Variants in SLC71A2 observed in about 807,000 individuals in gnomAD.
SLC71A2 encodes the protein solute carrier family 71 member 2.
the SLC71A2 span, among the ~76,000 whole-genome samples, chr9:94,385,154 G>GATTTGCAA: frequency 6.6e-6 from 1 of 152,152 alleles, no homozygotes; most frequent in African/African-American, 2.4e-5. Context: ...GCAGGTAGTT[G>GATTTGCAA]ATTTGCAAAT....
the SLC71A2 span, among the ~76,000 whole-genome samples, chr9:94,431,135 A>C: frequency 6.6e-6 from 1 of 152,146 alleles, no homozygotes; most frequent in African/African-American, 2.4e-5. Flanking sequence ...AACATGGTGA[A>C]ACTCCATCTC....
the SLC71A2 span, chr9:94,415,148 T>C: frequency 1.9e-6 from 3 of 1,598,280 alleles, no homozygotes; most frequent in Non-Finnish European, 2.6e-6. Context: ...ATAATAACTT[T>C]CTTTTTTAGC....
chr9:94,444,930 A>G, the SLC71A2 span: 3,499 of 1,591,310 alleles, frequency 2.2e-3, 5 homozygotes, highest in Non-Finnish European at 2.7e-3. Context: ...GTGTTCACCT[A>G]TGGGACCCTG....
chr9:94,400,171 C>T, the SLC71A2 span, among the ~76,000 whole-genome samples: 1 of 152,042 alleles, frequency 6.6e-6, no homozygotes, highest in East Asian at 1.9e-4. Flanking sequence ...AGATCAGTTT[C>T]GAATCTGCCT....
At chr9:94,414,707 T>G in the SLC71A2 span, among the ~76,000 whole-genome samples, 1 of 152,160 alleles carries the variant, frequency 6.6e-6, no homozygotes, top group African/African-American at 2.4e-5. Flanking sequence ...TCACCCAGGT[T>G]GGAGTGCAGT....
At chr9:94,433,482 G>C in the SLC71A2 span, among the ~76,000 whole-genome samples, 2 of 150,952 alleles carry the variant, frequency 1.3e-5, no homozygotes, top group African/African-American at 4.9e-5. Context: ...AGACCAGCCT[G>C]ACCAACATCG....
chr9:94,454,982 G>A, the SLC71A2 span, among the ~76,000 whole-genome samples: 76,429 of 151,688 alleles, frequency 0.5, 19,451 homozygotes, highest in Admixed American at 0.6. Flanking sequence ...CTGGTGGGCA[G>A]ATGCAGAAAT....
the SLC71A2 span, chr9:94,456,394 AAGCAGG>A: frequency 7.3e-7 from 1 of 1,371,724 alleles, no homozygotes; most frequent in Non-Finnish European, 1.0e-6. Flanking sequence ...TCCCTGCTAG[AAGCAGG>A]AGCAGCTCTG....
chr9:94,388,962 G>A, the SLC71A2 span, among the ~76,000 whole-genome samples: 1 of 152,084 alleles, frequency 6.6e-6, no homozygotes, highest in Admixed American at 6.6e-5. Flanking sequence ...CCTATCTTCC[G>A]TCCTTCGCCT....
chr9:94,441,235 GA>G, the SLC71A2 span: 1 of 456,658 alleles, frequency 2.2e-6, no homozygotes, highest in Non-Finnish European at 3.9e-6. Flanking sequence ...AATTTATAAA[GA>G]AAAGAGGTTT....
chr9:94,416,616 A>G, the SLC71A2 span, among the ~76,000 whole-genome samples: 1 of 152,174 alleles, frequency 6.6e-6, no homozygotes, highest in East Asian at 1.9e-4. Flanking sequence ...GCACTTTTGG[A>G]GGCCAAGGCT....
At chr9:94,437,571 C>T in the SLC71A2 span, among the ~76,000 whole-genome samples, 227 of 152,320 alleles carry the variant, frequency 1.5e-3, 1 homozygote, top group African/African-American at 4.8e-3. Flanking sequence ...GAGAACTTTA[C>T]TTTGATCGAC....
At chr9:94,424,513 G>A in the SLC71A2 span, among the ~76,000 whole-genome samples, 1 of 151,966 alleles carries the variant, frequency 6.6e-6, no homozygotes, top group Admixed American at 6.6e-5. Flanking sequence ...GGGATTGCAG[G>A]TGTGAGCCAC....
At chr9:94,445,037 A>AC in the SLC71A2 span, 2 of 1,614,134 alleles carry the variant, frequency 1.2e-6, no homozygotes, top group Non-Finnish European at 1.7e-6. Context: ...AGTTACGGAG[A>AC]CAGCCTCGTT....
At chr9:94,412,335 CTTAA>C in the SLC71A2 span, among the ~76,000 whole-genome samples, 3 of 152,130 alleles carry the variant, frequency 2.0e-5, no homozygotes, top group African/African-American at 7.2e-5. Flanking sequence ...TTTTTTGACT[CTTAA>C]TTAGTGAAAC....
the SLC71A2 span, among the ~76,000 whole-genome samples, chr9:94,414,205 A>G: frequency 6.6e-6 from 1 of 152,144 alleles, no homozygotes; most frequent in Middle Eastern, 3.2e-3. Flanking sequence ...TTTCCACAGG[A>G]GTGATGGAAT....
At chr9:94,426,907 T>C in the SLC71A2 span, among the ~76,000 whole-genome samples, 2 of 152,304 alleles carry the variant, frequency 1.3e-5, no homozygotes, top group Admixed American at 1.3e-4. Flanking sequence ...CAATCATAGC[T>C]CACTGCAGAC....
the SLC71A2 span, among the ~76,000 whole-genome samples, chr9:94,403,237 A>G: frequency 6.6e-6 from 1 of 152,170 alleles, no homozygotes; most frequent in African/African-American, 2.4e-5. Context: ...GCCGGGTTCA[A>G]GTGATTCTCT....
At chr9:94,391,623 C>G in the SLC71A2 span, among the ~76,000 whole-genome samples, 27 of 151,194 alleles carry the variant, frequency 1.8e-4, no homozygotes, top group African/African-American at 6.3e-4. Flanking sequence ...TGTGGGGGCT[C>G]AGGCCTGTAA....
Sources: allele counts gnomAD v4.1 joint callset (sites outside exome capture counted in the v4.1 genomes callset), GRCh38; gene constraint gnomAD v4.1.1; transcripts MANE v1.5; gene names NCBI Gene and HGNC (gene_info 2026-07-23, HGNC 2026-07-21).